The following GPR137C variants were observed in gnomAD, a reference collection of about 807,000 sequenced individuals.
GPR137C encodes the protein integral membrane protein GPR137C.
Under a neutral mutation model 43.4 loss-of-function variants are expected in GPR137C, and 27 were observed. The observed-to-expected ratio is 0.62, with a 90% CI of 0.46 to 0.86. GPR137C has a LOEUF of 0.86. Ranked by LOEUF, GPR137C falls within the 40% of genes least tolerant of loss-of-function variation. The probability of loss-of-function intolerance (pLI) is 0.00; values close to 1 mark genes in which losing one functional copy is unlikely to be tolerated. For synonymous variants in GPR137C, 285 were observed against 226.9 expected, an observed-to-expected ratio of 1.26 and a Z score of -2.30; for missense variants, 522 against 534.6, an observed-to-expected ratio of 0.98 and a Z score of 0.23.
intron 3 of GPR137C, among the ~76,000 whole-genome samples, chr14:52,618,805 G>A (rs2039127877): frequency 6.6e-6 from 1 of 151,890 alleles, no homozygotes. Context: ...GCATAAAAAG[G>A]TTCAAACCAG....
chr14:52,598,316 G>GT lies in GPR137C; in HGVS notation c.488+2dup. The GT allele has an allele frequency of 7.5e-7, 1 of 1,341,496 alleles. No homozygotes were observed. The allele number at this position is 1,341,496 out of a possible 1,614,324, so 83.1% of individuals were successfully genotyped here. ...GTGCCACTGAACTTGACAGACACAA[G>GT]TAAGTTTTATGAGTATCTAAATTTC... On this transcript the variant is annotated splice_donor_variant, in intron 2 of 6. Coordinates refer to ENST00000321662, the MANE Select transcript of GPR137C (RefSeq NM_001099652.2). LOFTEE classifies it high-confidence loss of function.
rs1270765291 is a variant in GPR137C at position 52,553,580 on chromosome 14, T to C, written c.433T>C (p.Tyr145His). 1.9e-6 allele frequency: 3 copies of C among 1,542,450 alleles called. No individual in the cohort carries two copies. Among genetic ancestry groups the C allele is most frequent in the Admixed American group, 1.8e-5 (1 of 55,512 alleles). The change falls in exon 1 of 7, where the codon TAC (tyrosine) becomes CAC (histidine). Residue 145 changes from tyrosine to histidine, a missense_variant. Physicochemically the swap from Tyr to His is moderately conservative, Grantham distance 83. Transcript: ENST00000321662. ...QFSTLCLLNLYLAEVICKVRC... is the reference protein window; with the variant it reads ...QFSTLCLLNLHLAEVICKVRC... ...CTCCACGCTCTGTCTCCTCAACCTC[T>C]ACCTGGCGGAGGTAAGGCGGGAGGG... is the stretch of plus-strand genomic sequence containing the variant.
chr14:52,633,765 T>C (rs1455344613), intron 5 of GPR137C, 63 bp from the exon 6 acceptor site: 1 of 1,518,250 alleles, frequency 6.6e-7, no homozygotes, highest in Non-Finnish European at 9.1e-7. Context: ...TATTATAGAT[T>C]CTAGCCTCCT....
chr14:52,634,413 C>T (rs934040238), intron 6 of GPR137C, among the ~76,000 whole-genome samples: 6 of 152,056 alleles, frequency 3.9e-5, no homozygotes, highest in East Asian at 1.9e-4. Flanking sequence ...GACTGTGATT[C>T]GGGCAAAGAG....
At chr14:52,610,657 C>T (rs1286852059) in intron 3 of GPR137C, among the ~76,000 whole-genome samples, 1 of 152,112 alleles carries the variant, frequency 6.6e-6, no homozygotes, top group African/African-American at 2.4e-5. Context: ...GGAACAAATA[C>T]CCTATGGGTA....
intron 1 of GPR137C, among the ~76,000 whole-genome samples, chr14:52,560,140 G>C (rs562123559): frequency 6.6e-6 from 1 of 152,228 alleles, no homozygotes; most frequent in African/African-American, 2.4e-5. Context: ...TTGGGCGACA[G>C]AACAAGACCC....
rs556773295 is a variant in GPR137C, at chr14:52,598,232, T to G, written c.445-40T>G. ...CAGAACATATTTAAGAATTCTATAT[T>G]ACACGTTTTCAAAATTTTTTTTTTA... is the stretch of plus-strand genomic sequence containing the variant. On this transcript the variant is annotated intron_variant, in intron 1 of 6. Coordinates refer to ENST00000321662, the MANE Select transcript of GPR137C (RefSeq NM_001099652.2). 7 of 748,382 alleles carry G rather than the reference T, an allele frequency of 9.4e-6. No individual in the cohort carries two copies. In the African/African-American group the frequency reaches 1.3e-4, roughly 14 times the overall value. 46.4% of individuals were successfully genotyped at this position (748,382 alleles called of 1,614,324 possible).
At chr14:52,560,669 G>T (rs12372855) in intron 1 of GPR137C, among the ~76,000 whole-genome samples, 15,927 of 152,098 alleles carry the variant, frequency 0.1, 1,192 homozygotes, top group East Asian at 0.37. Context: ...GAAAAGTTTT[G>T]TCAACTAATA....
At chr14:52,632,029 G>C (rs1412280719) in intron 3 of GPR137C, 131 bp from the exon 4 acceptor site, 1 of 571,458 alleles carries the variant, frequency 1.7e-6, no homozygotes, top group Non-Finnish European at 3.1e-6. Context: ...AGATAATCAA[G>C]AGTTTATTTC....
chr14:52,630,980 G>A (rs995448274), intron 3 of GPR137C, among the ~76,000 whole-genome samples: 15 of 152,250 alleles, frequency 9.9e-5, no homozygotes, highest in Middle Eastern at 3.4e-3. Flanking sequence ...TTGGTCACTT[G>A]TATACCACAA....
chr14:52,575,309 C>T (rs375183461), intron 1 of GPR137C, among the ~76,000 whole-genome samples: 2 of 152,102 alleles, frequency 1.3e-5, no homozygotes, highest in African/African-American at 2.4e-5. Flanking sequence ...GTTGGAGGAT[C>T]GCTTGAGCCC....
intron 1 of GPR137C, among the ~76,000 whole-genome samples, chr14:52,570,186 A>G (rs939129667): frequency 6.6e-6 from 1 of 152,218 alleles, no homozygotes; most frequent in East Asian, 1.9e-4. Context: ...GTGGGGGCCA[A>G]TATTCCAACA....
At chr14:52,570,594 G>A (rs1368238619) in intron 1 of GPR137C, among the ~76,000 whole-genome samples, 1 of 152,054 alleles carries the variant, frequency 6.6e-6, no homozygotes, top group Admixed American at 6.6e-5. Context: ...CCTATATTCA[G>A]GAGACCCGTC....
At chr14:52,630,898 A>G (rs2039286941) in intron 3 of GPR137C, among the ~76,000 whole-genome samples, 1 of 152,214 alleles carries the variant, frequency 6.6e-6, no homozygotes, top group Non-Finnish European at 1.5e-5. Flanking sequence ...ATGATGTAAT[A>G]GATGTTTGTG....
intron 6 of GPR137C, among the ~76,000 whole-genome samples, chr14:52,634,645 G>C (rs1459947741): frequency 6.6e-6 from 1 of 152,034 alleles, no homozygotes; most frequent in Non-Finnish European, 1.5e-5. Context: ...AGATGTCTTA[G>C]AATAGAGCTG....
chr14:52,591,202 G>A (rs540495286), intron 1 of GPR137C, among the ~76,000 whole-genome samples: 2 of 152,264 alleles, frequency 1.3e-5, no homozygotes, highest in South Asian at 4.2e-4. Flanking sequence ...TATTGCATAT[G>A]TGCCACATTT....
chr14:52,634,570 T>A (rs1316514651), intron 6 of GPR137C, among the ~76,000 whole-genome samples: 1 of 152,128 alleles, frequency 6.6e-6, no homozygotes, highest in Non-Finnish European at 1.5e-5. Context: ...TAGAACCTAT[T>A]TCAGAGGTTT....
intron 3 of GPR137C, among the ~76,000 whole-genome samples, chr14:52,622,871 A>G (rs1322599115): frequency 3.3e-5 from 5 of 152,112 alleles, no homozygotes; most frequent in East Asian, 1.9e-4. Context: ...ACATTCTTCA[A>G]TGAAACTGAC....
At chr14:52,565,522 T>C (rs577288815) in intron 1 of GPR137C, among the ~76,000 whole-genome samples, 66 of 152,308 alleles carry the variant, frequency 4.3e-4, no homozygotes, top group African/African-American at 1.4e-3. Flanking sequence ...ATACTACATA[T>C]TGCTTTAGAT....
Sources: gnomAD v4.1 joint callset for allele counts (sites outside exome capture counted in the v4.1 genomes callset) on GRCh38, gnomAD v4.1.1 for gene constraint, MANE v1.5 for transcripts, NCBI Gene and HGNC (gene_info 2026-07-23, HGNC 2026-07-21) for gene names.